The following RADX variants were observed in gnomAD, a reference collection of about 807,000 sequenced individuals.
RADX encodes the protein RPA-related protein RADX.
In RADX, 36 loss-of-function variants were observed where a neutral mutation model predicts 61.6. The ratio of observed to expected loss-of-function variants is 0.58; its 90% CI spans 0.45 to 0.77. The LOEUF (loss-of-function observed/expected upper bound fraction) is 0.77, where lower values mean the gene tolerates loss of function less well. Among genes scored for constraint, RADX ranks in the 30% least tolerant of loss-of-function variants. RADX has a pLI of 0.00. For synonymous variants in RADX, 272 were observed against 237.9 expected (o/e 1.14, Z -1.32); for missense variants, 497 against 651.1 (o/e 0.76, Z 2.58).
intron 11 of RADX, among the ~76,000 whole-genome samples, chrX:106,649,824 T>C (rs770281367): frequency 3.6e-5 from 4 of 111,365 alleles, no homozygotes; most frequent in Non-Finnish European, 5.7e-5. Flanking sequence ...GATTGCCTTA[T>C]GGTAAATCTG....
intron 12 of RADX, among the ~76,000 whole-genome samples, chrX:106,666,958 G>T (rs1928242353): frequency 8.9e-6 from 1 of 111,963 alleles, no homozygotes; most frequent in South Asian, 3.7e-4. Flanking sequence ...GCACACATGT[G>T]TATTTATTTA....
intron 13 of RADX, among the ~76,000 whole-genome samples, chrX:106,672,104 A>G (rs1928378697): frequency 8.9e-6 from 1 of 111,938 alleles, no homozygotes; most frequent in South Asian, 3.7e-4. Context: ...TTAGAGCTTC[A>G]CCCATATATA....
At chrX:106,629,649 A>G (rs947648741) in intron 3 of RADX, among the ~76,000 whole-genome samples, 4 of 111,908 alleles carry the variant, frequency 3.6e-5, no homozygotes, top group African/African-American at 1.3e-4. Flanking sequence ...TCCAGAGACT[A>G]GACTAGAAAG....
At chrX:106,641,954 A>G (rs1184195876) in intron 10 of RADX, among the ~76,000 whole-genome samples, 1 of 112,060 alleles carries the variant, frequency 8.9e-6, no homozygotes, top group East Asian at 2.8e-4. Context: ...AGTGTCAGGA[A>G]AGCCCAAACA....
At chrX:106,639,232 A>G in intron 8 of RADX, 1 of 198,859 alleles carries the variant, frequency 5.0e-6, no homozygotes. Context: ...TTTTCTATGC[A>G]GTGGCTAGGC....
intron 3 of RADX, among the ~76,000 whole-genome samples, chrX:106,629,969 A>C (rs1455472931): frequency 8.9e-6 from 1 of 112,162 alleles, no homozygotes; most frequent in East Asian, 2.8e-4. Flanking sequence ...CTTTTATTAA[A>C]ATTTTACAAC....
intron 3 of RADX, among the ~76,000 whole-genome samples, chrX:106,630,437 C>T (rs1253801343): frequency 9.1e-6 from 1 of 110,286 alleles, no homozygotes; most frequent in East Asian, 2.8e-4. Flanking sequence ...TAGATACATT[C>T]CTTTATAAAA....
chrX:106,615,847 C>T (rs759758058), intron 1 of RADX, among the ~76,000 whole-genome samples: 1 of 111,676 alleles, frequency 9.0e-6, no homozygotes, highest in Non-Finnish European at 1.9e-5. Context: ...TGAATTCCCA[C>T]TTGGTCACGA....
intron 13 of RADX, among the ~76,000 whole-genome samples, chrX:106,673,670 T>C (rs1928423225): frequency 3.1e-5 from 3 of 96,590 alleles, no homozygotes; most frequent in African/African-American, 1.3e-4. Flanking sequence ...AGGTTGTGTC[T>C]CCCCCCCATC....
chrX:106,668,867 T>C (rs1928294707), intron 12 of RADX, among the ~76,000 whole-genome samples: 1 of 112,274 alleles, frequency 8.9e-6, no homozygotes, highest in Non-Finnish European at 1.9e-5. Context: ...TACATGTCAT[T>C]TGTGTGACCA....
intron 2 of RADX, among the ~76,000 whole-genome samples, chrX:106,624,298 A>G (rs1230495964): frequency 9.0e-6 from 1 of 111,358 alleles, no homozygotes; most frequent in East Asian, 2.8e-4. Flanking sequence ...GGTCTATCAG[A>G]GCATGCATAA....
chrX:106,657,078 C>CAGTG (rs1927959046), intron 11 of RADX, among the ~76,000 whole-genome samples: 1 of 112,459 alleles, frequency 8.9e-6, no homozygotes, highest in Admixed American at 9.4e-5. Flanking sequence ...ATCTGTTGTT[C>CAGTG]AGTGTAGCCA....
intron 10 of RADX, among the ~76,000 whole-genome samples, chrX:106,644,791 T>G (rs1927615975): frequency 9.0e-6 from 1 of 111,517 alleles, no homozygotes; most frequent in Admixed American, 9.5e-5. Flanking sequence ...CAGAATGGGT[T>G]TGGAAGTATT....
At chrX:106,625,036 C>A in intron 2 of RADX, 54 bp from the exon 3 acceptor site, 1 of 787,886 alleles carries the variant, frequency 1.3e-6, no homozygotes, top group Non-Finnish European at 1.8e-6. Flanking sequence ...TATATATTAT[C>A]TGTACAGATA....
At position 106,640,556 on chromosome X, in the gene RADX, C is replaced by T; in HGVS notation, c.1739C>T (p.Ala580Val). 1 of 1,171,518 alleles carries T rather than the reference C, an allele frequency of 8.5e-7. No homozygotes were observed. The highest frequency in any genetic ancestry group is 3.0e-5 in the East Asian group (1 of 32,932). ...TCTCTAAATTATTGGTTTTAGAATG[C>T]TAACAGACCCTCGACCTCTCAAGCA... ...SASASETLRN[A>V]NRPSTSQAAR... The change falls in exon 10 of 14, where the codon GCT becomes GTT. Residue 580 changes from alanine to valine, a missense_variant. Transcript: ENST00000372548.
rs1015641755 is a variant in RADX, at chrX:106,662,925, T to G, written c.2269+620T>G. ...GAAGTCAAAACATTTTAAAACTTAGTTTTTTTTTTTTGTTTCGGAAAGATG... is the reference window on the plus strand; with the variant it reads ...GAAGTCAAAACATTTTAAAACTTAGGTTTTTTTTTTTGTTTCGGAAAGATG... On this transcript the variant is annotated intron_variant, in intron 12 of 13. Transcript: ENST00000372548. Among the ~76,000 whole-genome samples the G allele has an allele frequency of 1.8e-4, 15 of 85,232 alleles. 1 individual carries two copies. Among genetic ancestry groups the G allele is most frequent in the African/African-American group, 1.0e-3 (13 of 12,500 alleles). 74.0% of individuals were successfully genotyped at this position (85,232 alleles called of 115,157 possible).
At chrX:106,658,158 T>C (rs1199499537) in intron 11 of RADX, among the ~76,000 whole-genome samples, 1 of 112,131 alleles carries the variant, frequency 8.9e-6, no homozygotes, top group South Asian at 3.7e-4. Flanking sequence ...AAAGATATGA[T>C]ATAAAAAGAT....
intron 1 of RADX, among the ~76,000 whole-genome samples, chrX:106,617,920 A>G (rs1338970662): frequency 8.9e-6 from 1 of 112,358 alleles, no homozygotes; most frequent in African/African-American, 3.2e-5. Flanking sequence ...CAGAGAAAAA[A>G]AATTTATGCA....
At chrX:106,656,900 TA>T (rs1241702810) in intron 11 of RADX, among the ~76,000 whole-genome samples, 1 of 111,763 alleles carries the variant, frequency 8.9e-6, no homozygotes, top group Non-Finnish European at 1.9e-5. Context: ...TTTGGAATGG[TA>T]AATGAGCATT....
Sources: gnomAD v4.1 joint callset for allele counts (sites outside exome capture counted in the v4.1 genomes callset) on GRCh38, gnomAD v4.1.1 for gene constraint, MANE v1.5 for transcripts, NCBI Gene and HGNC (gene_info 2026-07-23, HGNC 2026-07-21) for gene names.